The following PLXDC2 variants were observed in gnomAD, a reference collection of about 807,000 sequenced individuals.
PLXDC2 encodes the protein plexin domain containing 2, also known as plexin domain-containing protein 2.
In PLXDC2, 40 loss-of-function variants were observed where a neutral mutation model predicts 68.9. The ratio of observed to expected loss-of-function variants is 0.58; its 90% CI spans 0.45 to 0.76. PLXDC2 has a LOEUF of 0.76. Ranked by LOEUF, PLXDC2 falls within the 30% of genes least tolerant of loss-of-function variation. The pLI is 0.00. For synonymous variants in PLXDC2, 243 were observed against 234.2 expected (o/e 1.04, Z -0.34); for missense variants, 644 against 661.9 (o/e 0.97, Z 0.30).
intron 1 of PLXDC2, among the ~76,000 whole-genome samples, chr10:19,998,246 T>G (rs575397506): frequency 2.2e-4 from 33 of 152,348 alleles, no homozygotes; most frequent in African/African-American, 7.5e-4. Context: ...AACATTTGTA[T>G]GAGTTTGAAA....
chr10:19,839,104 T>A (rs1836855492), intron 1 of PLXDC2, among the ~76,000 whole-genome samples: 4 of 150,960 alleles, frequency 2.6e-5, no homozygotes, highest in African/African-American at 9.8e-5. Flanking sequence ...GAGAATCCCT[T>A]GAACTTGGGA....
At chr10:20,142,286 T>C (rs1362068402) in intron 4 of PLXDC2, among the ~76,000 whole-genome samples, 1 of 152,096 alleles carries the variant, frequency 6.6e-6, no homozygotes, top group Non-Finnish European at 1.5e-5. Flanking sequence ...AACTGATGAC[T>C]GCCCAAACAT....
intron 6 of PLXDC2, among the ~76,000 whole-genome samples, chr10:20,149,746 T>A (rs1182276861): frequency 6.6e-6 from 1 of 152,146 alleles, no homozygotes; most frequent in African/African-American, 2.4e-5. Context: ...ACAGAAGACA[T>A]GATCTCATTT....
chr10:19,883,934 C>T (rs1197552286), intron 1 of PLXDC2, among the ~76,000 whole-genome samples: 1 of 115,500 alleles, frequency 8.7e-6, no homozygotes, highest in South Asian at 3.0e-4. Flanking sequence ...CTGACTCCTG[C>T]CCTGGCTGGA....
At chr10:20,077,598 A>AG (rs1159452160) in intron 4 of PLXDC2, among the ~76,000 whole-genome samples, 1 of 152,212 alleles carries the variant, frequency 6.6e-6, no homozygotes, top group Non-Finnish European at 1.5e-5. Flanking sequence ...CTTCTCCTGA[A>AG]GGCAAAGAAA....
intron 1 of PLXDC2, among the ~76,000 whole-genome samples, chr10:19,920,254 A>G (rs1486116552): frequency 6.6e-6 from 1 of 152,190 alleles, no homozygotes; most frequent in African/African-American, 2.4e-5. Flanking sequence ...ACTGCTGAGC[A>G]GAGGAGGGTG....
intron 4 of PLXDC2, among the ~76,000 whole-genome samples, chr10:20,082,058 A>AC (rs1347932679): frequency 2.2e-5 from 3 of 137,764 alleles, no homozygotes; most frequent in Admixed American, 1.5e-4. Context: ...AAAAAAAAAA[A>AC]AAAATCAAAA....
At chr10:19,979,755 A>T (rs74122127) in intron 1 of PLXDC2, among the ~76,000 whole-genome samples, 6,994 of 152,172 alleles carry the variant, frequency 0.046, 555 homozygotes, top group African/African-American at 0.16. Context: ...GTACCACTTG[A>T]CCAGTTTGCC....
intron 4 of PLXDC2, among the ~76,000 whole-genome samples, chr10:20,094,863 A>G (rs1378290586): frequency 2.0e-5 from 3 of 152,214 alleles, no homozygotes; most frequent in African/African-American, 4.8e-5. Flanking sequence ...TGTATAAGAC[A>G]ATGTAAAAAC....
chr10:20,123,740 G>T (rs1174328992), intron 4 of PLXDC2, among the ~76,000 whole-genome samples: 1 of 151,820 alleles, frequency 6.6e-6, no homozygotes, highest in Admixed American at 6.6e-5. Flanking sequence ...AGGGGATGGG[G>T]CACAGAGATA....
rs951094888 is a variant in PLXDC2 at position 20,056,544 on chromosome 10, C to G, written c.471+9529C>G. ...CATATTACTAATAATTGAATCTACC[C>G]TTACTGTTCTTCCTGAATCTAGGAA... On this transcript the variant is annotated intron_variant, in intron 3 of 13. Coordinates refer to ENST00000377252, the MANE Select transcript of PLXDC2 (RefSeq NM_032812.9). 2.6e-5 allele frequency among the ~76,000 whole-genome samples: 4 copies of G among 152,170 alleles called. No homozygotes were observed. The East Asian group carries it at 7.7e-4, about 29-fold the overall frequency.
chr10:20,172,212 A>C (rs553741030), intron 7 of PLXDC2, among the ~76,000 whole-genome samples: 1 of 143,656 alleles, frequency 7.0e-6, no homozygotes, highest in African/African-American at 2.6e-5. Flanking sequence ...ATGAAGTCAC[A>C]GTCTCCTTTG....
chr10:19,933,215 T>C (rs564924226), intron 1 of PLXDC2, among the ~76,000 whole-genome samples: 1 of 152,234 alleles, frequency 6.6e-6, no homozygotes, highest in Admixed American at 6.5e-5. Context: ...TTCCTCTTTT[T>C]CTTAAAGACA....
At chr10:20,220,654 A>G (rs1835197663) in intron 12 of PLXDC2, among the ~76,000 whole-genome samples, 1 of 152,076 alleles carries the variant, frequency 6.6e-6, no homozygotes, top group African/African-American at 2.4e-5. Context: ...AAAACTGATA[A>G]TTCATTCATT....
chr10:20,022,587 A>G (rs1325716686), intron 2 of PLXDC2, among the ~76,000 whole-genome samples: 1 of 152,190 alleles, frequency 6.6e-6, no homozygotes, highest in East Asian at 1.9e-4. Flanking sequence ...GCTGCTTTCT[A>G]GAGTAAGGAT....
intron 1 of PLXDC2, among the ~76,000 whole-genome samples, chr10:19,878,223 A>T (rs181548973): frequency 6.6e-5 from 10 of 151,314 alleles, no homozygotes; most frequent in African/African-American, 2.4e-4. Flanking sequence ...TTTTAAAGAG[A>T]TAGAGTCTCA....
chr10:20,020,692 C>G (rs1236531044), intron 2 of PLXDC2, among the ~76,000 whole-genome samples: 1 of 152,098 alleles, frequency 6.6e-6, no homozygotes, highest in African/African-American at 2.4e-5. Flanking sequence ...GTAGCTAAAT[C>G]CTTTATATCT....
intron 9 of PLXDC2, among the ~76,000 whole-genome samples, chr10:20,209,233 C>A (rs906302199): frequency 6.6e-6 from 1 of 152,210 alleles, no homozygotes; most frequent in African/African-American, 2.4e-5. Context: ...TTCATCCCTG[C>A]AGCTGCAACC....
chr10:19,949,427 C>T (rs1423083166), intron 1 of PLXDC2, among the ~76,000 whole-genome samples: 1 of 152,114 alleles, frequency 6.6e-6, no homozygotes, highest in African/African-American at 2.4e-5. Flanking sequence ...TGAATATCTT[C>T]TGAGAATACA....
Sources: allele counts gnomAD v4.1 joint callset (sites outside exome capture counted in the v4.1 genomes callset), GRCh38; gene constraint gnomAD v4.1.1; transcripts MANE v1.5; gene names NCBI Gene and HGNC (gene_info 2026-07-23, HGNC 2026-07-21).